ABCA13: variants seen among roughly 807,000 people sequenced by gnomAD.
The protein encoded by ABCA13 is ATP binding cassette subfamily A member 13.
Under a neutral mutation model 478.7 loss-of-function variants are expected in ABCA13, and 476 were observed. The observed-to-expected ratio is 0.99, with a 90% confidence interval of 0.92 to 1.07. The LOEUF is 1.07. Ranked by LOEUF, ABCA13 falls within the 50% of genes least tolerant of loss-of-function variation. The pLI is 0.00. For missense variants in ABCA13, 6,060 were observed against 5,910.6 expected, an observed-to-expected ratio of 1.03 and a Z score of -0.83; for synonymous variants, 2,252 against 2,158.9, an observed-to-expected ratio of 1.04 and a Z score of -1.20.
intron 8 of ABCA13, 28 bp downstream of exon 8, chr7:48,234,179 C>A (rs372241108): frequency 6.2e-7 from 1 of 1,613,436 alleles, no homozygotes; most frequent in Non-Finnish European, 8.5e-7. Context: ...CTTCTCACAC[C>A]GCTGGGCCTT....
chr7:48,631,546 GTTATTGTAGCC>G (rs1794168173), intron 59 of ABCA13, among the ~76,000 whole-genome samples: 1 of 151,994 alleles, frequency 6.6e-6, no homozygotes, highest in African/African-American at 2.4e-5. Context: ...TGATGTTTTG[GTTATTGTAGCC>G]TTATAGCATA....
intron 59 of ABCA13, among the ~76,000 whole-genome samples, chr7:48,640,685 A>G (rs1365842428): frequency 6.6e-6 from 1 of 152,180 alleles, no homozygotes. Flanking sequence ...AATCAAATAA[A>G]TCCTTCAGGG....
intron 55 of ABCA13, among the ~76,000 whole-genome samples, chr7:48,571,156 T>G (rs1349025663): frequency 6.6e-6 from 1 of 152,324 alleles, no homozygotes; most frequent in East Asian, 1.9e-4. Context: ...TCATCAGCAT[T>G]GATTTTTAAA....
At chr7:48,195,518 G>A (rs1399224545) in intron 2 of ABCA13, among the ~76,000 whole-genome samples, 1 of 152,138 alleles carries the variant, frequency 6.6e-6, no homozygotes, top group African/African-American at 2.4e-5. Flanking sequence ...GCCTTTGACT[G>A]GAACAGCTGA....
chr7:48,268,506 C>T (rs1336770770), intron 15 of ABCA13, among the ~76,000 whole-genome samples: 5 of 152,164 alleles, frequency 3.3e-5, no homozygotes, highest in Admixed American at 3.3e-4. Flanking sequence ...AGGTAGTTTC[C>T]TCAAATGCCT....
At chr7:48,191,964 A>C (rs1797162201) in intron 1 of ABCA13, among the ~76,000 whole-genome samples, 1 of 152,188 alleles carries the variant, frequency 6.6e-6, no homozygotes, top group Non-Finnish European at 1.5e-5. Flanking sequence ...TGTTTGATGG[A>C]GCATTCTTAG....
chr7:48,299,831 T>G (rs1799900902), intron 23 of ABCA13, among the ~76,000 whole-genome samples: 1 of 152,194 alleles, frequency 6.6e-6, no homozygotes, highest in Non-Finnish European at 1.5e-5. Flanking sequence ...TGTGGTAATG[T>G]GGTATTGTCT....
At chr7:48,455,314 G>A (rs747797388) in intron 43 of ABCA13, 28 bp downstream of exon 43, 8 of 1,576,372 alleles carry the variant, frequency 5.1e-6, no homozygotes, top group Middle Eastern at 1.7e-4. Context: ...CTTTGATTTC[G>A]AAATTATGTC....
chr7:48,613,134 TA>T (rs1792190633), intron 58 of ABCA13, among the ~76,000 whole-genome samples: 1 of 152,110 alleles, frequency 6.6e-6, no homozygotes, highest in Admixed American at 6.6e-5. Flanking sequence ...TAACATATAT[TA>T]GTTCTTTATA....
chr7:48,457,418 C>A (rs567913352), intron 43 of ABCA13, among the ~76,000 whole-genome samples: 1 of 152,232 alleles, frequency 6.6e-6, no homozygotes, highest in African/African-American at 2.4e-5. Flanking sequence ...TTCACTGATA[C>A]CATTTTCAGT....
At chr7:48,620,532 T>C (rs1793036877) in intron 59 of ABCA13, among the ~76,000 whole-genome samples, 1 of 152,162 alleles carries the variant, frequency 6.6e-6, no homozygotes, top group Non-Finnish European at 1.5e-5. Flanking sequence ...CTCACCCCAA[T>C]TGTGACAACT....
intron 54 of ABCA13, 62 bp downstream of exon 54, chr7:48,524,502 T>A: frequency 4.2e-6 from 6 of 1,424,300 alleles, no homozygotes; most frequent in Non-Finnish European, 5.7e-6. Context: ...TAGTAGCTGA[T>A]CTGCTTGTGT....
chr7:48,524,157 A>G (rs1173240164), intron 53 of ABCA13, 91 bp from the exon 54 acceptor site: 6 of 1,282,152 alleles, frequency 4.7e-6, no homozygotes, highest in Non-Finnish European at 5.3e-6. Flanking sequence ...GATATCTTCA[A>G]TTTTTTACAA....
In ABCA13 at chr7:48,310,003, TC is replaced by T; in HGVS notation, c.9379del (p.His3127IlefsTer4). The T allele has an allele frequency of 6.2e-7, 1 of 1,613,966 alleles. No individual in the cohort carries two copies. Among genetic ancestry groups the T allele is most frequent in the Non-Finnish European group, 8.5e-7 (1 of 1,179,842 alleles). ...LSGKCDQEIL[H>X]LLLTFPKGEK... Reference sequence around the variant, plus strand: ...CTGGAAAGTGTGATCAGGAAATCCTTCATCTCCTGCTGACATTTCCCAAAGG... The same window carrying T: ...CTGGAAAGTGTGATCAGGAAATCCTTATCTCCTGCTGACATTTCCCAAAGG... On this transcript the variant is annotated frameshift_variant, in exon 24 of 62. Coordinates refer to ENST00000435803, the MANE Select transcript of ABCA13 (RefSeq NM_152701.5). LOFTEE classifies it high-confidence loss of function.
intron 59 of ABCA13, among the ~76,000 whole-genome samples, chr7:48,619,258 C>T (rs926767398): frequency 6.6e-6 from 1 of 151,858 alleles, no homozygotes; most frequent in South Asian, 2.1e-4. Flanking sequence ...CCTTGGACCC[C>T]TGATCTATGG....
At chr7:48,196,880 C>G (rs189130436) in intron 2 of ABCA13, among the ~76,000 whole-genome samples, 49 of 152,234 alleles carry the variant, frequency 3.2e-4, no homozygotes, top group African/African-American at 1.2e-3. Context: ...AAGAGCTGGC[C>G]CCGTTCTTGT....
At chr7:48,381,833 C>T (rs1814436193) in intron 35 of ABCA13, among the ~76,000 whole-genome samples, 1 of 152,306 alleles carries the variant, frequency 6.6e-6, no homozygotes, top group South Asian at 2.1e-4. Context: ...TGCCCAATTA[C>T]ATCTGGTAAT....
chr7:48,244,815 G>T, intron 11 of ABCA13, 112 bp downstream of exon 11: 1 of 1,339,352 alleles, frequency 7.5e-7, no homozygotes, highest in Middle Eastern at 1.9e-4. Context: ...AGATAACTTT[G>T]CTGGTGTCAT....
At chr7:48,280,977 A>G (rs1185225330) in intron 18 of ABCA13, among the ~76,000 whole-genome samples, 1 of 152,182 alleles carries the variant, frequency 6.6e-6, no homozygotes, top group Non-Finnish European at 1.5e-5. Context: ...CTCAGGTTTT[A>G]TCTCAAATTT....
Sources: allele counts gnomAD v4.1 joint callset (sites outside exome capture counted in the v4.1 genomes callset), GRCh38; gene constraint gnomAD v4.1.1; transcripts MANE v1.5; gene names NCBI Gene and HGNC (gene_info 2026-07-23, HGNC 2026-07-21).